DOCK3: variants seen among roughly 807,000 people sequenced by gnomAD.
DOCK3 encodes the protein dedicator of cytokinesis protein 3.
Under a neutral mutation model 265.6 loss-of-function variants are expected in DOCK3, and 60 were observed. That is an observed-to-expected ratio of 0.23 (90% confidence interval 0.18 to 0.28). The LOEUF (loss-of-function observed/expected upper bound fraction) is 0.28. Among genes scored for constraint, DOCK3 ranks in the 10% least tolerant of loss-of-function variants. DOCK3 has a pLI of 1.00. For synonymous variants in DOCK3, 881 were observed against 938.0 expected, an observed-to-expected ratio of 0.94 and a Z score of 1.11; for missense variants, 1,981 against 2,594.3, an observed-to-expected ratio of 0.76 and a Z score of 5.14.
intron 1 of DOCK3, among the ~76,000 whole-genome samples, chr3:50,684,669 C>A (rs1016540906): frequency 6.6e-6 from 1 of 152,268 alleles, no homozygotes; most frequent in East Asian, 1.9e-4. Flanking sequence ...GAACTTATCC[C>A]GACAATACTT....
At chr3:50,858,574 C>G (rs1342429521) in intron 3 of DOCK3, among the ~76,000 whole-genome samples, 2 of 151,992 alleles carry the variant, frequency 1.3e-5, no homozygotes, top group African/African-American at 4.8e-5. Context: ...CTTTATCTGC[C>G]TTTAACATTC....
intron 1 of DOCK3, among the ~76,000 whole-genome samples, chr3:50,721,165 A>C (rs2037456253): frequency 6.6e-6 from 1 of 151,626 alleles, no homozygotes; most frequent in Admixed American, 6.6e-5. Flanking sequence ...TATTCTGTTG[A>C]TAGTTTCTTT....
intron 3 of DOCK3, among the ~76,000 whole-genome samples, chr3:50,848,394 A>G (rs186669204): frequency 3.9e-5 from 6 of 152,296 alleles, no homozygotes; most frequent in Admixed American, 3.3e-4. Context: ...TTTATAGGCT[A>G]TATACTTAAG....
chr3:50,921,628 G>T (rs1442792774), intron 4 of DOCK3, among the ~76,000 whole-genome samples: 1 of 152,034 alleles, frequency 6.6e-6, no homozygotes, highest in Non-Finnish European at 1.5e-5. Context: ...TGGAGAAGAG[G>T]TGCTCTGATT....
chr3:50,758,177 CAAAA>C (rs771690340), intron 1 of DOCK3, among the ~76,000 whole-genome samples: 1 of 23,828 alleles, frequency 4.2e-5, no homozygotes, highest in Non-Finnish European at 6.5e-5. Context: ...GACTCTGTCT[CAAAA>C]AAAAAAAAAA....
intron 3 of DOCK3, among the ~76,000 whole-genome samples, chr3:50,854,734 T>C (rs981928160): frequency 4.0e-5 from 6 of 151,702 alleles, no homozygotes; most frequent in South Asian, 2.1e-4. Context: ...GGGCTTTTCC[T>C]ATGTTTTCTT....
chr3:51,294,786 T>C (rs1190071136), intron 27 of DOCK3, among the ~76,000 whole-genome samples: 2 of 151,770 alleles, frequency 1.3e-5, no homozygotes, highest in South Asian at 2.1e-4. Context: ...AGGGGAGACA[T>C]TGGTCAGTGG....
intron 3 of DOCK3, chr3:50,876,649 G>A (rs1269528701): frequency 6.6e-6 from 1 of 152,368 alleles, no homozygotes; most frequent in African/African-American, 2.4e-5. Context: ...AGGTGATCTA[G>A]TTTGCTTTTC....
chr3:50,965,833 A>C (rs868762674), intron 5 of DOCK3, among the ~76,000 whole-genome samples: 2 of 152,174 alleles, frequency 1.3e-5, no homozygotes, highest in African/African-American at 2.4e-5. Flanking sequence ...GATTGTATAT[A>C]TTAAAGGTGT....
chr3:51,109,443 C>T (rs2109819280), intron 9 of DOCK3, among the ~76,000 whole-genome samples: 1 of 152,206 alleles, frequency 6.6e-6, no homozygotes, highest in African/African-American at 2.4e-5. Context: ...AACAACCTAA[C>T]ATCACAACTA....
At chr3:50,784,893 A>G (rs963237705) in intron 2 of DOCK3, among the ~76,000 whole-genome samples, 2 of 152,224 alleles carry the variant, frequency 1.3e-5, no homozygotes, top group African/African-American at 4.8e-5. Flanking sequence ...ACGGTGGCTC[A>G]CGCCTATAAT....
At chr3:51,030,580 A>T (rs189169474) in intron 5 of DOCK3, among the ~76,000 whole-genome samples, 1 of 152,108 alleles carries the variant, frequency 6.6e-6, no homozygotes, top group African/African-American at 2.4e-5. Context: ...CAAGTTCTGG[A>T]TCCAATTTTT....
chr3:51,370,108 T>C (rs780582299), intron 49 of DOCK3, among the ~76,000 whole-genome samples: 1 of 152,194 alleles, frequency 6.6e-6, no homozygotes, highest in Non-Finnish European at 1.5e-5. Flanking sequence ...AGCAGTGATA[T>C]GTGTTATCAA....
intron 2 of DOCK3, among the ~76,000 whole-genome samples, chr3:50,785,428 C>T (rs1407969484): frequency 6.6e-6 from 1 of 152,186 alleles, no homozygotes; most frequent in African/African-American, 2.4e-5. Flanking sequence ...GTCTTTTCCT[C>T]ATTCAATATA....
chr3:50,726,295 A>G (rs1365651992), intron 1 of DOCK3, among the ~76,000 whole-genome samples: 1 of 152,142 alleles, frequency 6.6e-6, no homozygotes, highest in Non-Finnish European at 1.5e-5. Context: ...CATTCAGAAG[A>G]AGGGACAATA....
At chr3:50,912,481 G>A (rs902044496) in intron 4 of DOCK3, among the ~76,000 whole-genome samples, 2 of 152,132 alleles carry the variant, frequency 1.3e-5, no homozygotes, top group African/African-American at 2.4e-5. Context: ...GTGCTCTACA[G>A]TCAGCAGGTG....
intron 2 of DOCK3, chr3:50,786,671 A>T (rs1421081856): frequency 3.2e-6 from 2 of 629,520 alleles, no homozygotes; most frequent in African/African-American, 3.6e-5. Flanking sequence ...TGATTTATGA[A>T]ATCTTTTGCC....
At chr3:50,798,266 C>T (rs1418360121) in intron 2 of DOCK3, among the ~76,000 whole-genome samples, 1 of 152,212 alleles carries the variant, frequency 6.6e-6, no homozygotes, top group Non-Finnish European at 1.5e-5. Context: ...AAAACCAGGT[C>T]TCGCTATGGA....
intron 5 of DOCK3, among the ~76,000 whole-genome samples, chr3:51,040,638 A>G (rs79361926): frequency 0.02 from 3,035 of 152,254 alleles, 122 homozygotes; most frequent in African/African-American, 0.07. Context: ...GTAGCTTGCA[A>G]TGCTGTTTGA....
Sources: gnomAD v4.1 joint callset for allele counts (sites outside exome capture counted in the v4.1 genomes callset) on GRCh38, gnomAD v4.1.1 for gene constraint, MANE v1.5 for transcripts, NCBI Gene and HGNC (gene_info 2026-07-23, HGNC 2026-07-21) for gene names.